PBLD: variants seen among roughly 807,000 people sequenced by gnomAD.
The protein encoded by PBLD is phenazine biosynthesis like protein domain containing.
A neutral mutation model predicts 31.3 loss-of-function variants in PBLD; 26 were observed. That is an observed-to-expected ratio of 0.83 (90% CI 0.61 to 1.15). The LOEUF (loss-of-function observed/expected upper bound fraction) is 1.15, where lower values mean the gene tolerates loss of function less well. PBLD is among the 50% of genes most tolerant of loss of function. The pLI is 0.00. For missense variants in PBLD, 307 were observed against 351.7 expected, an observed-to-expected ratio of 0.87 and a Z score of 1.02; for synonymous variants, 114 against 129.0, an observed-to-expected ratio of 0.88 and a Z score of 0.79.
At chr10:68,285,826 G>A (rs1042147547) in intron 8 of PBLD, among the ~76,000 whole-genome samples, 5 of 151,966 alleles carry the variant, frequency 3.3e-5, no homozygotes, top group Admixed American at 2.6e-4. Context: ...AACTACAGGT[G>A]CATGTCACCA....
chr10:68,319,079 G>GAAAGA (rs1554860602), intron 1 of PBLD, among the ~76,000 whole-genome samples: 3 of 122,362 alleles, frequency 2.5e-5, no homozygotes, highest in Non-Finnish European at 3.3e-5. Context: ...AAGAAAGAAA[G>GAAAGA]AAAGAAAGAA....
At chr10:68,286,443 C>T (rs960775108) in intron 8 of PBLD, among the ~76,000 whole-genome samples, 1 of 152,078 alleles carries the variant, frequency 6.6e-6, no homozygotes, top group South Asian at 2.1e-4. Context: ...TCCCAGAGTG[C>T]ATATGCAAAG....
Position 68,309,805 on chromosome 10 carries a change from CA to C in PBLD, c.-59-2903del, listed in dbSNP as rs757212310. Reference sequence around the variant, plus strand: ...CTGGTGACAGAGAGAGACTCCGTCTCAAAAAAAAAAAAAAAAAGAAAGAAAG... The same window carrying C: ...CTGGTGACAGAGAGAGACTCCGTCTCAAAAAAAAAAAAAAAAGAAAGAAAG... On this transcript the variant is annotated intron_variant, in intron 1 of 9. Coordinates refer to ENST00000358769, the MANE Select transcript of PBLD (RefSeq NM_022129.4). 4.6e-3 allele frequency among the ~76,000 whole-genome samples: 603 copies of C among 131,880 alleles called. 7 individuals carry two copies. Among genetic ancestry groups the C allele is most frequent in the African/African-American group, 0.013 (458 of 34,224 alleles). 86.5% of individuals were successfully genotyped at this position (131,880 alleles called of 152,430 possible). A position where few individuals can be genotyped will look rare whatever the true frequency, so the allele number is the denominator to read the frequency against.
At chr10:68,284,348 AT>A (rs1264225481) in intron 9 of PBLD, 59 bp from the exon 10 acceptor site, 1 of 1,398,220 alleles carries the variant, frequency 7.2e-7, no homozygotes, top group Non-Finnish European at 1.0e-6. Flanking sequence ...TTAACAAAGC[AT>A]AGTGAAAGAC....
chr10:68,293,021 T>C (rs1029081835), intron 4 of PBLD, among the ~76,000 whole-genome samples: 2 of 152,214 alleles, frequency 1.3e-5, no homozygotes, highest in Admixed American at 1.3e-4. Flanking sequence ...CCATAATGCC[T>C]GGATAATTTT....
At chr10:68,289,084 T>G in intron 6 of PBLD, 65 bp from the exon 7 acceptor site, 1 of 1,259,244 alleles carries the variant, frequency 7.9e-7, no homozygotes, top group Non-Finnish European at 1.2e-6. Context: ...TCCCCTGAAA[T>G]GGGAAATGAC....
chr10:68,311,580 T>C (rs1302595924), intron 1 of PBLD, among the ~76,000 whole-genome samples: 1 of 148,580 alleles, frequency 6.7e-6, no homozygotes, highest in Non-Finnish European at 1.5e-5. Flanking sequence ...AGTGAGACAC[T>C]GTGTCAAAAA....
At chr10:68,320,457 C>G (rs993725152) in intron 1 of PBLD, among the ~76,000 whole-genome samples, 1 of 152,156 alleles carries the variant, frequency 6.6e-6, no homozygotes, top group African/African-American at 2.4e-5. Context: ...GGCACTGGTT[C>G]CAGGAGTCCC....
Position 68,283,915 on chromosome 10 carries a change from T to A in PBLD, c.*262A>T. ...GCATGTGGCACCACACCCAGCTAAT[T>A]TTTGTATTTGTAGTAGAGACGAGGT... On this transcript the variant is annotated 3_prime_UTR_variant, in exon 10 of 10. Coordinates refer to ENST00000358769, the MANE Select transcript of PBLD (RefSeq NM_022129.4). 2 of 280,018 alleles carry A rather than the reference T, an allele frequency of 7.1e-6. No homozygotes were observed. The allele number at this position is 280,018 out of a possible 1,614,324, so 17.3% of individuals were successfully genotyped here. A position where few individuals can be genotyped will look rare whatever the true frequency, so the allele number is the denominator to read the frequency against.
intron 1 of PBLD, among the ~76,000 whole-genome samples, chr10:68,322,029 A>G (rs118146342): frequency 6.6e-6 from 1 of 152,190 alleles, no homozygotes; most frequent in East Asian, 1.9e-4. Flanking sequence ...AGAACAGAGC[A>G]TGGAAAGACA....
At chr10:68,302,867 T>TA (rs1453171249) in intron 2 of PBLD, among the ~76,000 whole-genome samples, 2 of 124,868 alleles carry the variant, frequency 1.6e-5, no homozygotes, top group Admixed American at 8.7e-5. Context: ...AATTAGAATT[T>TA]AAAAAAAAAA....
At chr10:68,331,558 T>C (rs961608970) in intron 1 of PBLD, 6 of 152,252 alleles carry the variant, frequency 3.9e-5, no homozygotes, top group African/African-American at 1.4e-4. Context: ...GCTTTCATCT[T>C]CGCGGCCCAG....
chr10:68,291,891 C>A, intron 6 of PBLD, 119 bp downstream of exon 6: 2 of 1,167,464 alleles, frequency 1.7e-6, no homozygotes, highest in Non-Finnish European at 1.2e-6. Context: ...AAATTCAAAC[C>A]TGAAACACTG....
At chr10:68,305,613 T>A (rs1348614619) in intron 2 of PBLD, among the ~76,000 whole-genome samples, 1 of 152,024 alleles carries the variant, frequency 6.6e-6, no homozygotes, top group Non-Finnish European at 1.5e-5. Flanking sequence ...AAATTAGTCG[T>A]GCATGGTGGC....
At chr10:68,303,716 G>T (rs1031006583) in intron 2 of PBLD, among the ~76,000 whole-genome samples, 2 of 151,900 alleles carry the variant, frequency 1.3e-5, no homozygotes, top group Non-Finnish European at 2.9e-5. Flanking sequence ...TTTATCAAGT[G>T]TTCAAAAAGC....
intron 2 of PBLD, among the ~76,000 whole-genome samples, chr10:68,305,778 A>G (rs995101546): frequency 2.6e-5 from 4 of 152,000 alleles, no homozygotes; most frequent in Non-Finnish European, 5.9e-5. Context: ...AAACAAAAAA[A>G]CACTGCTTCC....
At chr10:68,331,875 A>C (rs772463694) in intron 1 of PBLD, 1 of 152,298 alleles carries the variant, frequency 6.6e-6, no homozygotes, top group Non-Finnish European at 1.5e-5. Flanking sequence ...CAGCTCTTTA[A>C]CTGGAACAGC....
chr10:68,325,396 T>C (rs762644872), intron 1 of PBLD, among the ~76,000 whole-genome samples: 1 of 152,042 alleles, frequency 6.6e-6, no homozygotes, highest in Non-Finnish European at 1.5e-5. Context: ...AAACCCCGTG[T>C]CTACCTAAAA....
In PBLD at chr10:68,284,142, T is replaced by G; in HGVS notation, c.*35A>C. 6.5e-7 allele frequency: 1 copy of G among 1,543,860 alleles called. No individual in the cohort carries two copies. The highest frequency in any genetic ancestry group is 8.9e-7 in the Non-Finnish European group (1 of 1,121,270). On this transcript the variant is annotated 3_prime_UTR_variant, in exon 10 of 10. Coordinates refer to ENST00000358769, the MANE Select transcript of PBLD (RefSeq NM_022129.4). ...TTCTTTTTAAGCAGAAAATACTTGGTGGTTAGAGACAGCAGCGTCACAGCA... is the reference window on the plus strand; with the variant it reads ...TTCTTTTTAAGCAGAAAATACTTGGGGGTTAGAGACAGCAGCGTCACAGCA...
Sources: allele counts gnomAD v4.1 joint callset (sites outside exome capture counted in the v4.1 genomes callset), GRCh38; gene constraint gnomAD v4.1.1; transcripts MANE v1.5; gene names NCBI Gene and HGNC (gene_info 2026-07-23, HGNC 2026-07-21).